Variants in CRISPLD2 observed in about 807,000 individuals in gnomAD.
CRISPLD2 encodes cysteine rich secretory protein LCCL domain containing 2.
Under a neutral mutation model 71.1 loss-of-function variants are expected in CRISPLD2, and 47 were observed. The ratio of observed to expected loss-of-function variants is 0.66; its 90% CI spans 0.52 to 0.84. The LOEUF (loss-of-function observed/expected upper bound fraction) is 0.84. Ranked by LOEUF, CRISPLD2 falls within the 40% of genes least tolerant of loss-of-function variation. CRISPLD2 has a pLI of 0.00. For synonymous variants in CRISPLD2, 317 were observed against 250.1 expected, an observed-to-expected ratio of 1.27 and a Z score of -2.52; for missense variants, 830 against 651.1, an observed-to-expected ratio of 1.27 and a Z score of -2.99.
In CRISPLD2 at chr16:84,873,173, G is replaced by A. The variant is rs751989738; in HGVS notation, c.1112+51G>A. The A allele has an allele frequency of 4.1e-5, 64 of 1,571,602 alleles. No homozygotes were observed. The East Asian group carries it at 7.9e-4, about 19-fold the overall frequency. The stretch of plus-strand genomic sequence containing the variant: ...GTGAAACGGTTTTCCTGTTTATGAC[G>A]GTGTTGTTGAAATTTTGAAAAATAC... On this transcript the variant is annotated intron_variant, in intron 10 of 14. Coordinates refer to ENST00000262424, the MANE Select transcript of CRISPLD2 (RefSeq NM_031476.4).
In CRISPLD2 at chr16:84,873,914, AAACAGC is replaced by A. The variant is rs2071497149; in HGVS notation, c.1113-3_1115del. The A allele has an allele frequency of 6.9e-7, 1 of 1,441,466 alleles. No homozygotes were observed. 89.3% of individuals were successfully genotyped at this position (1,441,466 alleles called of 1,614,324 possible). ...GCCCGTTTTTTTTTTTTTTTTTTTT[AAACAGC>A]AAATACAAACCTTCCAGCTCATTCA... is the stretch of plus-strand genomic sequence containing the variant. On this transcript the variant is annotated splice_acceptor_variant and splice_polypyrimidine_tract_variant and coding_sequence_variant and intron_variant, in exon 11 of 15. Coordinates refer to ENST00000262424, the MANE Select transcript of CRISPLD2 (RefSeq NM_031476.4). LOFTEE classifies it high-confidence loss of function.
At chr16:84,899,159 A>C (rs2071731782) in intron 14 of CRISPLD2, among the ~76,000 whole-genome samples, 1 of 152,140 alleles carries the variant, frequency 6.6e-6, no homozygotes, top group East Asian at 1.9e-4. Context: ...CAAAGTGCTG[A>C]GACTACAGGT....
chr16:84,861,293 TC>T (rs1210823289), intron 6 of CRISPLD2, among the ~76,000 whole-genome samples: 7 of 152,100 alleles, frequency 4.6e-5, no homozygotes, highest in African/African-American at 1.7e-4. Flanking sequence ...TCTGTATTCG[TC>T]GGGGTTCTCT....
At chr16:84,904,204 A>G (rs2071780676) in intron 14 of CRISPLD2, among the ~76,000 whole-genome samples, 1 of 152,184 alleles carries the variant, frequency 6.6e-6, no homozygotes, top group East Asian at 1.9e-4. Flanking sequence ...GGGAGGGGGC[A>G]CTTAGGCTTC....
Position 84,907,215 on chromosome 16 carries a change from G to A in CRISPLD2, c.*573G>A, listed in dbSNP as rs2071811118. The A allele has an allele frequency of 6.0e-6, 1 of 165,506 alleles. No individual in the cohort carries two copies. The highest frequency in any genetic ancestry group is 1.5e-4 in the South Asian group (1 of 6,496). The allele number at this position is 165,506 out of a possible 1,614,324, so 10.3% of individuals were successfully genotyped here. On this transcript the variant is annotated 3_prime_UTR_variant, in exon 15 of 15. Coordinates refer to ENST00000262424, the MANE Select transcript of CRISPLD2 (RefSeq NM_031476.4). ...GCTAGAGTAAGAGGGCTGCGGGTAT[G>A]AGAGACCCCGGCTCCGCCCTGGCAC...
intron 14 of CRISPLD2, 60 bp downstream of exon 14, chr16:84,889,423 G>A: frequency 6.4e-7 from 1 of 1,550,420 alleles, no homozygotes; most frequent in Non-Finnish European, 8.7e-7. Flanking sequence ...TCCCTCAGGG[G>A]GCCTGGGAAG....
chr16:84,898,658 C>A (rs1258435430), intron 14 of CRISPLD2, among the ~76,000 whole-genome samples: 1 of 152,162 alleles, frequency 6.6e-6, no homozygotes, highest in Non-Finnish European at 1.5e-5. Flanking sequence ...TACTTCTCAC[C>A]CCACCCCAGA....
intron 14 of CRISPLD2, among the ~76,000 whole-genome samples, chr16:84,893,889 C>T (rs928317581): frequency 1.3e-5 from 2 of 152,216 alleles, no homozygotes; most frequent in African/African-American, 2.4e-5. Flanking sequence ...CTGTCCCTGA[C>T]GGCTGGTAAG....
At chr16:84,885,672 C>T (rs367841383) in intron 13 of CRISPLD2, among the ~76,000 whole-genome samples, 2 of 152,148 alleles carry the variant, frequency 1.3e-5, no homozygotes, top group Non-Finnish European at 1.5e-5. Flanking sequence ...TTCAGTTACT[C>T]GGTAAATGAA....
At chr16:84,897,265 G>A (rs1418512924) in intron 14 of CRISPLD2, among the ~76,000 whole-genome samples, 1 of 145,702 alleles carries the variant, frequency 6.9e-6, no homozygotes. Context: ...CCAACAGGGT[G>A]TAATCCCATC....
intron 14 of CRISPLD2, among the ~76,000 whole-genome samples, chr16:84,903,829 G>C (rs1360107399): frequency 6.6e-6 from 1 of 152,152 alleles, no homozygotes; most frequent in East Asian, 1.9e-4. Flanking sequence ...GGAGGTGTTT[G>C]TTCAAAAAAG....
rs554347141 is a variant in CRISPLD2, at chr16:84,900,167, C to T, written c.1440-6421C>T. On this transcript the variant is annotated intron_variant, in intron 14 of 14. Coordinates refer to ENST00000262424, the MANE Select transcript of CRISPLD2 (RefSeq NM_031476.4). The stretch of plus-strand genomic sequence containing the variant: ...GGCTCTTGGCGTTTCTTTGCAGCTC[C>T]ATCTCTCCGAGTGCTCCCATCTGAT... Among the ~76,000 whole-genome samples the T allele has an allele frequency of 8.5e-5, 13 of 152,236 alleles. No homozygotes were observed. In the South Asian group the frequency reaches 2.7e-3, roughly 32 times the overall value.
intron 13 of CRISPLD2, among the ~76,000 whole-genome samples, chr16:84,881,746 G>T (rs1256107066): frequency 7.9e-5 from 12 of 152,230 alleles, no homozygotes; most frequent in African/African-American, 2.9e-4. Context: ...AAAGTGCTGG[G>T]ATTATAGGGG....
rs1304347614 is a variant in CRISPLD2, at chr16:84,907,173, G to A, written c.*531G>A. ...AGGAAAATGGTTTTAATGTTTGCTG[G>A]TCAGACAGACAAATGGGCTAGAGTA... On this transcript the variant is annotated 3_prime_UTR_variant, in exon 15 of 15. Coordinates refer to ENST00000262424, the MANE Select transcript of CRISPLD2 (RefSeq NM_031476.4). 1 of 169,942 alleles carries A rather than the reference G, an allele frequency of 5.9e-6. No homozygotes were observed. The allele number at this position is 169,942 out of a possible 1,614,324, so 10.5% of individuals were successfully genotyped here. A position where few individuals can be genotyped will look rare whatever the true frequency, so the allele number is the denominator to read the frequency against.
At position 84,845,985 on chromosome 16, in the gene CRISPLD2, G is replaced by C. The variant is rs1416024994; in HGVS notation, c.359+81G>C. ...GCTCAGCACTTGTGCCCCTTATCAA[G>C]TTTAGCCTGCAAAGAGAGTGAGAGA... On this transcript the variant is annotated intron_variant, in intron 3 of 14. Coordinates refer to ENST00000262424, the MANE Select transcript of CRISPLD2 (RefSeq NM_031476.4). The C allele has an allele frequency of 9.3e-6, 8 of 859,978 alleles. No homozygotes were observed. In the South Asian group the frequency reaches 1.1e-4, roughly 12 times the overall value. The allele number at this position is 859,978 out of a possible 1,614,324, so 53.3% of individuals were successfully genotyped here. A position where few individuals can be genotyped will look rare whatever the true frequency, so the allele number is the denominator to read the frequency against.
chr16:84,865,496 C>T lies in CRISPLD2; in HGVS notation c.710-1401C>T, dbSNP rs190768612. ...TAATCCAAAACCACAAAGAGACCTGCGAGCGTGCTCTAGTTATTCTCCTTG... is the reference window on the plus strand; with the variant it reads ...TAATCCAAAACCACAAAGAGACCTGTGAGCGTGCTCTAGTTATTCTCCTTG... On this transcript the variant is annotated intron_variant, in intron 6 of 14. Transcript: ENST00000262424. Among the ~76,000 whole-genome samples, 55 of 152,296 alleles carry T rather than the reference C, an allele frequency of 3.6e-4. 3 individuals carry two copies. In the East Asian group the frequency reaches 5.8e-3, roughly 16 times the overall value.
intron 1 of CRISPLD2, among the ~76,000 whole-genome samples, chr16:84,827,768 T>C (rs11643247): frequency 0.29 from 44,062 of 151,818 alleles, 7,811 homozygotes; most frequent in South Asian, 0.4. Flanking sequence ...GGTTTCACCA[T>C]GTTGGCCAGG....
intron 9 of CRISPLD2, 77 bp from the exon 10 acceptor site, chr16:84,872,915 A>G: frequency 6.5e-7 from 1 of 1,527,270 alleles, no homozygotes; most frequent in Non-Finnish European, 8.8e-7. Context: ...TTGAGGACAA[A>G]TGTTTGGGTA....
At chr16:84,902,643 C>T (rs182278632) in intron 14 of CRISPLD2, among the ~76,000 whole-genome samples, 6 of 151,802 alleles carry the variant, frequency 4.0e-5, no homozygotes, top group African/African-American at 1.2e-4. Flanking sequence ...TTGGATGGGT[C>T]GTCCCAGTTA....
Sources: gnomAD v4.1 joint callset for allele counts (sites outside exome capture counted in the v4.1 genomes callset) on GRCh38, gnomAD v4.1.1 for gene constraint, MANE v1.5 for transcripts, NCBI Gene and HGNC (gene_info 2026-07-23, HGNC 2026-07-21) for gene names.